The following TLCD4 variants were observed in gnomAD, a reference collection of about 807,000 sequenced individuals.
The protein encoded by TLCD4 is TLC domain containing 4.
Under a neutral mutation model 24.2 loss-of-function variants are expected in TLCD4, and 7 were observed. The ratio of observed to expected loss-of-function variants is 0.29; its 90% CI spans 0.16 to 0.54. The LOEUF (loss-of-function observed/expected upper bound fraction) is 0.54. Among genes scored for constraint, TLCD4 ranks in the 20% least tolerant of loss-of-function variants. The pLI is 0.95. For missense variants in TLCD4, 259 were observed against 313.9 expected, an observed-to-expected ratio of 0.82 and a Z score of 1.32; for synonymous variants, 103 against 106.4, an observed-to-expected ratio of 0.97 and a Z score of 0.20.
chr1:95,127,021 G>A (rs1283092934), intron 1 of TLCD4, among the ~76,000 whole-genome samples: 1 of 152,168 alleles, frequency 6.6e-6, no homozygotes, highest in Admixed American at 6.5e-5. Context: ...ACTGTGCTTG[G>A]TGCATTTAAC....
At chr1:95,191,447 T>A in intron 6 of TLCD4, 103 bp from the exon 7 acceptor site, 2 of 1,412,102 alleles carry the variant, frequency 1.4e-6, no homozygotes, top group Non-Finnish European at 1.9e-6. Flanking sequence ...TCTAGGCCCT[T>A]TGCTCCTCCT....
intron 1 of TLCD4, among the ~76,000 whole-genome samples, chr1:95,126,311 C>A (rs994317903): frequency 6.6e-6 from 1 of 151,720 alleles, no homozygotes; most frequent in Non-Finnish European, 1.5e-5. Flanking sequence ...GCCTGTAGTT[C>A]CAGCTGCTTG....
chr1:95,148,667 T>C (rs1238568750), intron 2 of TLCD4, 35 bp from the exon 3 acceptor site: 5 of 1,610,210 alleles, frequency 3.1e-6, no homozygotes, highest in Non-Finnish European at 4.2e-6. Flanking sequence ...TTGCAAAGAA[T>C]CTAAAATCTT....
intron 3 of TLCD4, 109 bp downstream of exon 3, chr1:95,148,900 C>T: frequency 7.5e-7 from 1 of 1,340,290 alleles, no homozygotes; most frequent in Non-Finnish European, 1.0e-6. Context: ...TCGTATATGC[C>T]TTATTAAAAT....
At chr1:95,129,443 T>G (rs756351812) in intron 1 of TLCD4, among the ~76,000 whole-genome samples, 12 of 152,292 alleles carry the variant, frequency 7.9e-5, no homozygotes, top group Middle Eastern at 3.4e-3. Context: ...CATTTATCTT[T>G]GAAAGGGAGT....
In TLCD4 at chr1:95,191,737, A is replaced by G. The variant is rs753600898; in HGVS notation, c.661A>G (p.Ile221Val). 1.2e-6 allele frequency: 2 copies of G among 1,614,172 alleles called. No individual in the cohort carries two copies. Among genetic ancestry groups the G allele is most frequent in the Non-Finnish European group, 1.7e-6 (2 of 1,180,024 alleles). ...LGVLIQLSWV[I>V]SCVVLDVMNV... is the part of the protein sequence containing the mutation. ...AGTTTTAATCCAGTTATCCTGGGTC[A>G]TTAGTTGTGTTGTTTTGGATGTGAT... is the stretch of plus-strand genomic sequence containing the variant. Residue 221 changes from isoleucine to valine, a missense_variant, in exon 7 of 7, where the codon ATT becomes GTT. Coordinates refer to ENST00000370203, the MANE Select transcript of TLCD4 (RefSeq NM_152487.3).
chr1:95,173,927 C>A, intron 6 of TLCD4, 38 bp downstream of exon 6: 1 of 1,611,824 alleles, frequency 6.2e-7, no homozygotes, highest in Non-Finnish European at 8.5e-7. Context: ...TAAAGTCATG[C>A]TGTTTATTTT....
the TLCD4 span, among the ~76,000 whole-genome samples, chr1:95,107,560 CA>C: frequency 1.1e-4 from 17 of 152,230 alleles, no homozygotes; most frequent in South Asian, 3.5e-3. Flanking sequence ...CAGGGGATGG[CA>C]GTAGAGCAGG....
chr1:95,126,935 G>A (rs1676754017), intron 1 of TLCD4, among the ~76,000 whole-genome samples: 1 of 152,232 alleles, frequency 6.6e-6, no homozygotes, highest in African/African-American at 2.4e-5. Flanking sequence ...TTGGGGGCCT[G>A]GCGTGGCAGT....
rs938545744 is a variant in TLCD4 at position 95,191,946 on chromosome 1, G to A, written c.*78G>A. ...GGATGAATTCTTGGCATGTTCTTGT[G>A]TACCTTTCTTAATTATAATTGTTAT... On this transcript the variant is annotated 3_prime_UTR_variant, in exon 7 of 7. Transcript: ENST00000370203. The A allele has an allele frequency of 1.3e-6, 2 of 1,504,842 alleles. No homozygotes were observed. Among genetic ancestry groups the A allele is most frequent in the South Asian group, 1.4e-5 (1 of 72,908 alleles). 93.2% of individuals were successfully genotyped at this position (1,504,842 alleles called of 1,614,324 possible).
intron 6 of TLCD4, among the ~76,000 whole-genome samples, chr1:95,186,626 C>T (rs998143229): frequency 6.6e-6 from 1 of 152,126 alleles, no homozygotes; most frequent in African/African-American, 2.4e-5. Context: ...CCAAGGCTGC[C>T]ATGTAGTCAA....
intron 1 of TLCD4, chr1:95,125,574 A>T (rs1355545056): frequency 1.3e-5 from 2 of 152,162 alleles, no homozygotes; most frequent in African/African-American, 4.8e-5. Flanking sequence ...AACTGTGAAC[A>T]ATCAATGGAG....
rs1182768160 is a variant in TLCD4, at chr1:95,196,706, C to T, written c.*4838C>T. 1 of 152,114 alleles carries T rather than the reference C, an allele frequency of 6.6e-6. No homozygotes were observed. The highest frequency in any genetic ancestry group is 1.5e-5 in the Non-Finnish European group (1 of 68,016). 9.4% of individuals were successfully genotyped at this position (152,114 alleles called of 1,614,324 possible). A position where few individuals can be genotyped will look rare whatever the true frequency, so the allele number is the denominator to read the frequency against. Reference sequence around the variant, plus strand: ...AGATTTATAAGTACAGTACCTCTGGCTGAAAACTCGTTAAACATCTTTGGA... The same window carrying T: ...AGATTTATAAGTACAGTACCTCTGGTTGAAAACTCGTTAAACATCTTTGGA... On this transcript the variant is annotated 3_prime_UTR_variant, in exon 7 of 7. Coordinates refer to ENST00000370203, the MANE Select transcript of TLCD4 (RefSeq NM_152487.3).
chr1:95,181,561 C>T (rs575227609), intron 6 of TLCD4, among the ~76,000 whole-genome samples: 1 of 141,088 alleles, frequency 7.1e-6, no homozygotes, highest in Non-Finnish European at 1.6e-5. Context: ...TGGGCTTTAA[C>T]CTGTTTTAAA....
chr1:95,156,884 A>C (rs1052248004), intron 5 of TLCD4, among the ~76,000 whole-genome samples: 6 of 152,170 alleles, frequency 3.9e-5, no homozygotes, highest in Admixed American at 6.6e-5. Flanking sequence ...AAAGTGGCCC[A>C]TATGCCATTA....
intron 1 of TLCD4, among the ~76,000 whole-genome samples, chr1:95,136,234 C>G (rs1677037790): frequency 6.6e-6 from 1 of 151,982 alleles, no homozygotes; most frequent in African/African-American, 2.4e-5. Context: ...TATAAATGAG[C>G]CTGAAATTTG....
chr1:95,144,148 C>G (rs1677287178), intron 2 of TLCD4, 92 bp downstream of exon 2: 3 of 1,231,738 alleles, frequency 2.4e-6, no homozygotes, highest in Non-Finnish European at 3.1e-6. Flanking sequence ...CATTTAGGAT[C>G]TAATGTAAGG....
At chr1:95,096,858 G>A in the TLCD4 span, among the ~76,000 whole-genome samples, 1 of 152,140 alleles carries the variant, frequency 6.6e-6, no homozygotes. Flanking sequence ...GTCTTGCAGA[G>A]GTATGAGAAT....
At chr1:95,124,043 A>G (rs1207667750) in intron 1 of TLCD4, among the ~76,000 whole-genome samples, 2 of 152,236 alleles carry the variant, frequency 1.3e-5, no homozygotes, top group Non-Finnish European at 2.9e-5. Flanking sequence ...GGGGCAATGC[A>G]TCCTCCTTAC....
Sources: allele counts gnomAD v4.1 joint callset (sites outside exome capture counted in the v4.1 genomes callset), GRCh38; gene constraint gnomAD v4.1.1; transcripts MANE v1.5; gene names NCBI Gene and HGNC (gene_info 2026-07-23, HGNC 2026-07-21).